The following TXNDC11 variants were observed in gnomAD, a reference collection of about 807,000 sequenced individuals.
The protein encoded by TXNDC11 is thioredoxin domain-containing protein 11.
TXNDC11 carries 68 observed loss-of-function variants against 78.0 expected under a neutral mutation model. That is an observed-to-expected ratio of 0.87 (90% CI 0.72 to 1.07). TXNDC11 has a LOEUF of 1.07. Ranked by LOEUF, TXNDC11 falls within the 50% of genes least tolerant of loss-of-function variation. The pLI is 0.00. For missense variants in TXNDC11, 1,389 were observed against 1,221.8 expected (o/e 1.14, Z -2.04); for synonymous variants, 571 against 495.2 (o/e 1.15, Z -2.03).
chr16:11,731,780 GA>G (rs1014323878), intron 3 of TXNDC11, among the ~76,000 whole-genome samples: 1 of 151,862 alleles, frequency 6.6e-6, no homozygotes, highest in East Asian at 1.9e-4. Flanking sequence ...ATATTAGCAT[GA>G]AAAAAAGTGA....
At chr16:11,729,626 G>A (rs545842250) in intron 4 of TXNDC11, among the ~76,000 whole-genome samples, 2 of 152,238 alleles carry the variant, frequency 1.3e-5, no homozygotes, top group African/African-American at 4.8e-5. Context: ...TCTCTGTCAG[G>A]TATTTATGGT....
intron 11 of TXNDC11, among the ~76,000 whole-genome samples, chr16:11,683,252 C>T (rs961349281): frequency 6.6e-6 from 1 of 152,090 alleles, no homozygotes; most frequent in African/African-American, 2.4e-5. Flanking sequence ...CAGGGGCTTC[C>T]GGGGTAGTTG....
At chr16:11,688,253 T>A in intron 9 of TXNDC11, 50 bp downstream of exon 9, 9 of 1,589,876 alleles carry the variant, frequency 5.7e-6, no homozygotes, top group Non-Finnish European at 7.7e-6. Flanking sequence ...GTTTGGAAAT[T>A]ATTTTAAGAG....
At chr16:11,734,716 C>T (rs942990031) in intron 2 of TXNDC11, among the ~76,000 whole-genome samples, 3 of 152,194 alleles carry the variant, frequency 2.0e-5, no homozygotes, top group Non-Finnish European at 2.9e-5. Context: ...ACATGGGCAA[C>T]GTGAACTTTG....
At chr16:11,699,991 TC>T (rs2050966857) in intron 6 of TXNDC11, among the ~76,000 whole-genome samples, 1 of 152,182 alleles carries the variant, frequency 6.6e-6, no homozygotes, top group African/African-American at 2.4e-5. Context: ...TGAGAAGCCA[TC>T]AACTTCTCAC....
chr16:11,688,890 G>A (rs951724117), intron 8 of TXNDC11, among the ~76,000 whole-genome samples: 1 of 152,058 alleles, frequency 6.6e-6, no homozygotes, highest in Non-Finnish European at 1.5e-5. Flanking sequence ...TGAGGACAAG[G>A]AGCTACAGTT....
At chr16:11,701,396 CA>C (rs956973345) in intron 5 of TXNDC11, among the ~76,000 whole-genome samples, 3 of 152,066 alleles carry the variant, frequency 2.0e-5, no homozygotes, top group African/African-American at 7.2e-5. Context: ...CTCTGCCTCC[CA>C]AAGTGCCAGA....
intron 8 of TXNDC11, among the ~76,000 whole-genome samples, chr16:11,690,501 C>T (rs1054410361): frequency 1.3e-5 from 2 of 152,214 alleles, no homozygotes; most frequent in African/African-American, 4.8e-5. Flanking sequence ...GATCCTTAGA[C>T]ATTTAAGCCT....
At position 11,679,478 on chromosome 16, in the gene TXNDC11, T is replaced by C; in HGVS notation, c.2594A>G (p.Gln865Arg). ...HSEQLQALYE[Q>R]KTRELQELAR... is the part of the protein sequence containing the mutation. ...CAGCTCCTGCAGCTCACGTGTCTTC[T>C]GCTCATAGAGGGCCTGCAGCTGCTC... Residue 865 changes from glutamine to arginine, a missense_variant, in exon 12 of 12, where the codon CAG becomes CGG. Physicochemically the swap from Gln to Arg is conservative, Grantham distance 43 (BLOSUM62 1). Transcript: ENST00000283033. The surrounding 1 kb of genome is among the most constrained non-coding windows in gnomAD (Gnocchi z 4.6). 1.2e-6 allele frequency: 2 copies of C among 1,613,748 alleles called. No homozygotes were observed. The highest frequency in any genetic ancestry group is 8.5e-7 in the Non-Finnish European group (1 of 1,180,034).
intron 4 of TXNDC11, among the ~76,000 whole-genome samples, chr16:11,729,438 A>G (rs538041270): frequency 1.9e-4 from 25 of 131,560 alleles, no homozygotes; most frequent in Non-Finnish European, 3.6e-4. Flanking sequence ...TGCTTGGGGA[A>G]TCTCTGCTAA....
At chr16:11,736,318 G>A (rs2052220144) in intron 1 of TXNDC11, 85 bp from the exon 2 acceptor site, 9 of 1,135,592 alleles carry the variant, frequency 7.9e-6, no homozygotes, top group Admixed American at 2.2e-5. Flanking sequence ...AGCTTAAAAG[G>A]AAAATCCTCT....
At chr16:11,720,165 G>A (rs1316242041) in intron 5 of TXNDC11, among the ~76,000 whole-genome samples, 2 of 152,032 alleles carry the variant, frequency 1.3e-5, no homozygotes, top group Non-Finnish European at 2.9e-5. Context: ...AAAACAATTG[G>A]GAGAATATGA....
chr16:11,692,340 A>G (rs1270125638), intron 7 of TXNDC11: 4 of 412,268 alleles, frequency 9.7e-6, no homozygotes, highest in Middle Eastern at 1.2e-3. Flanking sequence ...GGATGCTGCC[A>G]GCCTGTTACT....
intron 5 of TXNDC11, among the ~76,000 whole-genome samples, chr16:11,704,188 T>C (rs1164175455): frequency 1.3e-5 from 2 of 152,110 alleles, no homozygotes; most frequent in Admixed American, 6.5e-5. Flanking sequence ...GTAGCCAAAG[T>C]TGGAACAATT....
At chr16:11,709,317 A>C (rs1031690925) in intron 5 of TXNDC11, among the ~76,000 whole-genome samples, 1 of 150,094 alleles carries the variant, frequency 6.7e-6, no homozygotes, top group East Asian at 2.0e-4. Context: ...CAATGGCGTG[A>C]TCTCAGCTCA....
At chr16:11,733,955 G>A in intron 3 of TXNDC11, 27 bp downstream of exon 3, 3 of 1,504,226 alleles carry the variant, frequency 2.0e-6, no homozygotes, top group Non-Finnish European at 1.8e-6. Flanking sequence ...AAACTGGAAT[G>A]AGAGACGCTA....
chr16:11,700,678 A>T (rs987249766), intron 5 of TXNDC11, 114 bp from the exon 6 acceptor site: 1 of 587,188 alleles, frequency 1.7e-6, no homozygotes, highest in African/African-American at 1.9e-5. Flanking sequence ...CCTTCTGGTA[A>T]CCTAGCCTAG....
chr16:11,710,613 G>A (rs1189259960), intron 5 of TXNDC11, among the ~76,000 whole-genome samples: 1 of 152,180 alleles, frequency 6.6e-6, no homozygotes, highest in Non-Finnish European at 1.5e-5. Context: ...ACTTTGGGAG[G>A]CCAAGGTGGG....
At chr16:11,734,790 TCTGGAACTCAG>T (rs2052171312) in intron 2 of TXNDC11, among the ~76,000 whole-genome samples, 1 of 152,188 alleles carries the variant, frequency 6.6e-6, no homozygotes, top group Non-Finnish European at 1.5e-5. Flanking sequence ...CAAATGAACT[TCTGGAACTCAG>T]CTGCCTACAC....
Sources: gnomAD v4.1 joint callset for allele counts (sites outside exome capture counted in the v4.1 genomes callset) on GRCh38, gnomAD v4.1.1 for gene constraint, Gnocchi (gnomAD v3.1) non-coding constraint, MANE v1.5 for transcripts, NCBI Gene and HGNC (gene_info 2026-07-23, HGNC 2026-07-21) for gene names.